The following OSBPL1A variants were observed in gnomAD, a reference collection of about 807,000 sequenced individuals.
The protein encoded by OSBPL1A is oxysterol-binding protein-related protein 1.
Under a neutral mutation model 137.1 loss-of-function variants are expected in OSBPL1A, and 80 were observed. That is an observed-to-expected ratio of 0.58 (90% CI 0.49 to 0.70). OSBPL1A has a LOEUF of 0.70. Among genes scored for constraint, OSBPL1A ranks in the 30% least tolerant of loss-of-function variants. The probability of loss-of-function intolerance (pLI) is 0.00; values close to 1 mark genes in which losing one functional copy is unlikely to be tolerated. For synonymous variants in OSBPL1A, 365 were observed against 389.7 expected (o/e 0.94, Z 0.75); for missense variants, 970 against 1,129.4 (o/e 0.86, Z 2.02).
chr18:24,221,385 C>A (rs1459402408), intron 17 of OSBPL1A, among the ~76,000 whole-genome samples: 1 of 152,162 alleles, frequency 6.6e-6, no homozygotes, highest in Non-Finnish European at 1.5e-5. Context: ...TCCTAATCTA[C>A]CACTTCAGCA....
chr18:24,203,127 G>A (rs1236438191), intron 17 of OSBPL1A, among the ~76,000 whole-genome samples: 3 of 152,094 alleles, frequency 2.0e-5, no homozygotes, highest in Non-Finnish European at 2.9e-5. Context: ...ACAGGCATGC[G>A]CCACCATGTC....
At chr18:24,272,589 T>G (rs1020445420) in intron 15 of OSBPL1A, among the ~76,000 whole-genome samples, 1 of 152,190 alleles carries the variant, frequency 6.6e-6, no homozygotes, top group African/African-American at 2.4e-5. Context: ...TTAATGAAAT[T>G]TATGGTTAAC....
At chr18:24,164,945 C>G in intron 27 of OSBPL1A, 120 bp downstream of exon 27, 2 of 957,894 alleles carry the variant, frequency 2.1e-6, no homozygotes, top group Non-Finnish European at 3.2e-6. Flanking sequence ...TGGGACAACT[C>G]GGCAGGGTTT....
At chr18:24,174,740 T>TAATAAC (rs1442208332) in intron 21 of OSBPL1A, among the ~76,000 whole-genome samples, 1 of 152,192 alleles carries the variant, frequency 6.6e-6, no homozygotes, top group Non-Finnish European at 1.5e-5. Context: ...TGCAGTTCTC[T>TAATAAC]AATAACTGAT....
chr18:24,311,444 T>G, intron 13 of OSBPL1A: 1 of 985,236 alleles, frequency 1.0e-6, no homozygotes. Flanking sequence ...ACCTATTTCA[T>G]TTCAATTACC....
chr18:24,185,109 C>T (rs934061181), intron 18 of OSBPL1A, among the ~76,000 whole-genome samples: 4 of 152,092 alleles, frequency 2.6e-5, no homozygotes, highest in South Asian at 2.1e-4. Context: ...CTGGATAAGA[C>T]GAAACTATGG....
intron 18 of OSBPL1A, among the ~76,000 whole-genome samples, chr18:24,185,345 T>G (rs2086718497): frequency 6.6e-6 from 1 of 151,096 alleles, no homozygotes; most frequent in African/African-American, 2.4e-5. Flanking sequence ...TTTTTTTTTT[T>G]GAGACTGAGT....
intron 14 of OSBPL1A, among the ~76,000 whole-genome samples, chr18:24,285,387 G>T (rs189609230): frequency 3.3e-5 from 5 of 151,950 alleles, no homozygotes; most frequent in Admixed American, 3.3e-4. Flanking sequence ...AAGAATTATG[G>T]TCCTTTAGTT....
intron 17 of OSBPL1A, among the ~76,000 whole-genome samples, chr18:24,199,264 C>T (rs1018158787): frequency 2.0e-5 from 3 of 152,060 alleles, no homozygotes; most frequent in African/African-American, 4.8e-5. Context: ...TGCTAAGGGA[C>T]GTGCAAAGCT....
At chr18:24,334,374 A>T in intron 5 of OSBPL1A, 44 bp from the exon 6 acceptor site, 3 of 1,457,908 alleles carry the variant, frequency 2.1e-6, no homozygotes, top group Middle Eastern at 1.8e-4. Flanking sequence ...GTCAGGATCC[A>T]ATTACAAATT....
At chr18:24,357,621 G>A (rs2091559043) in intron 4 of OSBPL1A, 1 of 152,126 alleles carries the variant, frequency 6.6e-6, no homozygotes, top group Admixed American at 6.6e-5. Flanking sequence ...GGCAAAATGA[G>A]TTTGGGGTCC....
intron 14 of OSBPL1A, among the ~76,000 whole-genome samples, chr18:24,287,736 C>T (rs1349429602): frequency 6.8e-6 from 1 of 146,424 alleles, no homozygotes; most frequent in Non-Finnish European, 1.5e-5. Flanking sequence ...CGTGCCACTG[C>T]ACTCCAGCCT....
chr18:24,187,881 GGTTCACTGCA>G (rs1719148412), intron 18 of OSBPL1A, among the ~76,000 whole-genome samples: 1 of 152,172 alleles, frequency 6.6e-6, no homozygotes, highest in African/African-American at 2.4e-5. Flanking sequence ...GGATGGCAGG[GGTTCACTGCA>G]GTGGCAACCA....
At chr18:24,196,276 CAT>C (rs1312100280) in intron 17 of OSBPL1A, 76 bp from the exon 18 acceptor site, 1 of 978,660 alleles carries the variant, frequency 1.0e-6, no homozygotes, top group Non-Finnish European at 1.6e-6. Flanking sequence ...CTTTCATTCA[CAT>C]GAGAGCTGCA....
At position 24,366,805 on chromosome 18, in the gene OSBPL1A, T is replaced by C. The variant is rs1162567258; in HGVS notation, c.282+87A>G. 3.0e-6 allele frequency: 4 copies of C among 1,317,388 alleles called. No individual in the cohort carries two copies. In the African/African-American group the frequency reaches 4.5e-5, roughly 15 times the overall value. The allele number at this position is 1,317,388 out of a possible 1,614,324, so 81.6% of individuals were successfully genotyped here. A position where few individuals can be genotyped will look rare whatever the true frequency, so the allele number is the denominator to read the frequency against. On this transcript the variant is annotated intron_variant, in intron 4 of 27. Transcript: ENST00000319481. ...TTTTTGTGTGGCTTTCTTCGGTTGC[T>C]GGTCAGATGGTTATAACAGAGAAAA... is the stretch of plus-strand genomic sequence containing the variant.
chr18:24,236,050 G>A (rs746084336), intron 16 of OSBPL1A, among the ~76,000 whole-genome samples: 3 of 152,164 alleles, frequency 2.0e-5, no homozygotes, highest in Non-Finnish European at 4.4e-5. Flanking sequence ...CAAGGCAACA[G>A]TCTCTTCTAG....
At chr18:24,251,268 G>A (rs1297532429) in intron 15 of OSBPL1A, among the ~76,000 whole-genome samples, 2 of 152,314 alleles carry the variant, frequency 1.3e-5, no homozygotes, top group Non-Finnish European at 1.5e-5. Context: ...GTGACCATAA[G>A]TGGTAGACAG....
chr18:24,204,822 A>T (rs1010157602), intron 17 of OSBPL1A, among the ~76,000 whole-genome samples: 3 of 152,054 alleles, frequency 2.0e-5, no homozygotes, highest in African/African-American at 7.2e-5. Flanking sequence ...CAATTCCAGG[A>T]ATCTTAATAG....
intron 1 of OSBPL1A, among the ~76,000 whole-genome samples, chr18:24,389,833 T>G (rs754677975): frequency 6.6e-6 from 1 of 151,906 alleles, no homozygotes; most frequent in Non-Finnish European, 1.5e-5. Context: ...TCCCAGCTAC[T>G]GGGGAGGCTG....
Sources: allele counts gnomAD v4.1 joint callset (sites outside exome capture counted in the v4.1 genomes callset), GRCh38; gene constraint gnomAD v4.1.1; transcripts MANE v1.5; gene names NCBI Gene and HGNC (gene_info 2026-07-23, HGNC 2026-07-21).